Variants in DDB2 observed in about 807,000 individuals in gnomAD.
DDB2 encodes DNA damage-binding protein 2.
A neutral mutation model predicts 50.5 loss-of-function variants in DDB2; 27 were observed. The ratio of observed to expected loss-of-function variants is 0.53; its 90% CI spans 0.39 to 0.74. The LOEUF (loss-of-function observed/expected upper bound fraction) is 0.74. Ranked by LOEUF, DDB2 falls within the 30% of genes least tolerant of loss-of-function variation. DDB2 has a pLI of 0.00. For synonymous variants in DDB2, 176 were observed against 205.5 expected, an observed-to-expected ratio of 0.86 and a Z score of 1.23; for missense variants, 424 against 545.6, an observed-to-expected ratio of 0.78 and a Z score of 2.22.
At chr11:47,232,022 A>T (rs185023453) in intron 3 of DDB2, among the ~76,000 whole-genome samples, 6 of 149,390 alleles carry the variant, frequency 4.0e-5, no homozygotes, top group African/African-American at 7.4e-5. Context: ...TATGTTAATT[A>T]AAAAAAAAAG....
chr11:47,221,149 T>C (rs12792737), intron 3 of DDB2, among the ~76,000 whole-genome samples: 151,082 of 152,178 alleles, frequency 0.99, 75,000 homozygotes, highest in East Asian at 1. Context: ...GGCGACACAG[T>C]GAGACTCCAT....
chr11:47,216,215 C>T (rs755700924), intron 1 of DDB2, 121 bp from the exon 2 acceptor site: 9 of 1,459,650 alleles, frequency 6.2e-6, no homozygotes, highest in South Asian at 2.3e-5. Flanking sequence ...ATGGAAAGGC[C>T]GCAGGAGGTG....
chr11:47,228,642 C>CAAAAA (rs61273211), intron 3 of DDB2, among the ~76,000 whole-genome samples: 2,867 of 66,708 alleles, frequency 0.043, 42 homozygotes, highest in South Asian at 0.13. Flanking sequence ...GACTCTGTCT[C>CAAAAA]AAAAAAAAAA....
intron 3 of DDB2, among the ~76,000 whole-genome samples, chr11:47,222,434 C>T (rs1337207125): frequency 6.6e-6 from 1 of 152,074 alleles, no homozygotes; most frequent in Non-Finnish European, 1.5e-5. Flanking sequence ...GCCTCAACCT[C>T]CTCAGCTCAA....
intron 3 of DDB2, among the ~76,000 whole-genome samples, chr11:47,230,243 T>C (rs777915636): frequency 6.6e-6 from 1 of 152,006 alleles, no homozygotes; most frequent in African/African-American, 2.4e-5. Context: ...GGGGCTACGC[T>C]GAGCCAGGAT....
At chr11:47,221,667 ACTC>A (rs1953486623) in intron 3 of DDB2, 1 of 151,376 alleles carries the variant, frequency 6.6e-6, no homozygotes, top group South Asian at 2.1e-4. Context: ...CTCGTCTTGA[ACTC>A]CTGGCCTAAG....
chr11:47,234,536 G>A (rs1565156326), intron 4 of DDB2, 37 bp from the exon 5 acceptor site: 2 of 1,569,192 alleles, frequency 1.3e-6, no homozygotes, highest in Admixed American at 1.7e-5. Flanking sequence ...GACTATCTCT[G>A]TCCCCAAGAA....
In DDB2 at chr11:47,216,929, G is replaced by C; in HGVS notation, c.336G>C (p.Arg112Ser). 6.2e-7 allele frequency: 1 copy of C among 1,614,136 alleles called. No individual in the cohort carries two copies. The highest frequency in any genetic ancestry group is 8.5e-7 in the Non-Finnish European group (1 of 1,180,020). The change falls in exon 3 of 10, where the codon AGG (arginine) becomes AGC (serine). Residue 112 changes from arginine to serine, a missense_variant. Coordinates refer to ENST00000256996, the MANE Select transcript of DDB2 (RefSeq NM_000107.3). The part of the protein sequence containing the change: ...RILQKAAPFD[R>S]RATSLAWHPT... ...TACAAAAGGCTGCCCCCTTTGACAG[G>C]AGGGCTACATCCTTGGCGTGGCACC...
intron 3 of DDB2, chr11:47,229,818 C>CTTTTTTTTTTTTTTT (rs11376360): frequency 6.3e-6 from 2 of 317,060 alleles, no homozygotes; most frequent in African/African-American, 2.5e-5. Context: ...GATGGCTCTT[C>CTTTTTTTTTTTTTTT]TTTTTTTTTT....
Position 47,238,732 on chromosome 11 carries a change from G to A in DDB2, c.1235-68G>A, listed in dbSNP as rs768950337. ...TTTCTTTACCAAATTGTAGGTTTGC[G>A]GGCCAGCCCCAGGCTCTGAGAGATT... On this transcript the variant is annotated intron_variant, in intron 9 of 9. Transcript: ENST00000256996. 5.0e-5 allele frequency: 79 copies of A among 1,574,248 alleles called. 1 individual carries two copies. The highest frequency in any genetic ancestry group is 6.5e-5 in the Non-Finnish European group (75 of 1,145,518).
chr11:47,218,375 G>A (rs1953430918), intron 3 of DDB2, among the ~76,000 whole-genome samples: 1 of 152,198 alleles, frequency 6.6e-6, no homozygotes. Flanking sequence ...CAGATGGGAT[G>A]TATACATACG....
intron 3 of DDB2, among the ~76,000 whole-genome samples, chr11:47,231,290 T>C (rs1467544859): frequency 6.6e-6 from 1 of 152,194 alleles, no homozygotes; most frequent in Non-Finnish European, 1.5e-5. Context: ...ATCTGACTCC[T>C]GCCCTCCTAA....
rs200136508 is a variant in DDB2 at position 47,229,720 on chromosome 11, A to C, written c.457-3094A>C. On this transcript the variant is annotated intron_variant, in intron 3 of 9. Coordinates refer to ENST00000256996, the MANE Select transcript of DDB2 (RefSeq NM_000107.3). ...TTTAAGGTTTTCAGTATACAAAGTA[A>C]GACAGTTGTGAAGCAATCTGATTGC... 917 of 380,928 alleles carry C rather than the reference A, an allele frequency of 2.4e-3. 4 individuals carry two copies. Among genetic ancestry groups the C allele is most frequent in the Non-Finnish European group, 3.8e-3 (749 of 197,402 alleles). The allele number at this position is 380,928 out of a possible 1,614,324, so 23.6% of individuals were successfully genotyped here.
chr11:47,222,258 A>C (rs572741981), intron 3 of DDB2, among the ~76,000 whole-genome samples: 1 of 152,162 alleles, frequency 6.6e-6, no homozygotes, highest in Non-Finnish European at 1.5e-5. Flanking sequence ...GAATCATAGA[A>C]TATATGGTCT....
intron 3 of DDB2, chr11:47,217,378 AAATAAT>A (rs746180649): frequency 6.3e-6 from 1 of 159,798 alleles, no homozygotes; most frequent in Non-Finnish European, 1.4e-5. Context: ...CTCCATCTCA[AAATAAT>A]AATAATAATA....
chr11:47,233,809 G>A (rs1461008843), intron 4 of DDB2, among the ~76,000 whole-genome samples: 1 of 152,194 alleles, frequency 6.6e-6, no homozygotes, highest in African/African-American at 2.4e-5. Context: ...GGGTGCTGGG[G>A]TGTAACTAGC....
chr11:47,216,471 AG>A lies in DDB2; in HGVS notation c.264+1del. 2 of 1,613,054 alleles carry A rather than the reference AG, an allele frequency of 1.2e-6. No homozygotes were observed. Among genetic ancestry groups the A allele is most frequent in the South Asian group, 2.2e-5 (2 of 91,020 alleles). ...AGAGCTTCCTGGCCATCTGTCCAGCAGGTAAGGCATTTTTTGCCTCAAGTCC... is the reference window on the plus strand; with the variant it reads ...AGAGCTTCCTGGCCATCTGTCCAGCAGTAAGGCATTTTTTGCCTCAAGTCC... ...LGRASWPSVQ[Q>X]GLQQSFLHTL... On this transcript the variant is annotated frameshift_variant and splice_region_variant, in exon 2 of 10. Coordinates refer to ENST00000256996, the MANE Select transcript of DDB2 (RefSeq NM_000107.3). LOFTEE classifies it high-confidence loss of function.
chr11:47,223,874 G>A (rs1479011285), intron 3 of DDB2, among the ~76,000 whole-genome samples: 1 of 152,180 alleles, frequency 6.6e-6, no homozygotes, highest in Non-Finnish European at 1.5e-5. Flanking sequence ...AGAGGCTGAG[G>A]CTGGGGGACC....
intron 3 of DDB2, chr11:47,229,808 G>A: frequency 4.9e-6 from 2 of 405,796 alleles, no homozygotes; most frequent in African/African-American, 2.2e-5. Context: ...TGCTTAATTT[G>A]ATGGCTCTTC....
Sources: allele counts gnomAD v4.1 joint callset (sites outside exome capture counted in the v4.1 genomes callset), GRCh38; gene constraint gnomAD v4.1.1; transcripts MANE v1.5; gene names NCBI Gene and HGNC (gene_info 2026-07-23, HGNC 2026-07-21).